The following ULK4 variants were observed in gnomAD, a reference collection of about 807,000 sequenced individuals.
ULK4 encodes the protein unc-51 like kinase 4.
Under a neutral mutation model 160.6 loss-of-function variants are expected in ULK4, and 133 were observed. The observed-to-expected ratio is 0.83, with a 90% CI of 0.72 to 0.96. ULK4 has a LOEUF of 0.96. Ranked by LOEUF, ULK4 falls within the 40% of genes least tolerant of loss-of-function variation. The pLI is 0.00. For synonymous variants in ULK4, 534 were observed against 539.8 expected, an observed-to-expected ratio of 0.99 and a Z score of 0.15; for missense variants, 1,580 against 1,499.5, an observed-to-expected ratio of 1.05 and a Z score of -0.89.
At chr3:41,789,622 AT>A in intron 21 of ULK4, 38 bp downstream of exon 21, 2 of 1,492,174 alleles carry the variant, frequency 1.3e-6, no homozygotes, top group Middle Eastern at 1.8e-4. Flanking sequence ...GAAGAAAACA[AT>A]TTTTAATGTA....
chr3:41,679,346 G>A (rs74453501), intron 29 of ULK4, among the ~76,000 whole-genome samples: 3,499 of 152,190 alleles, frequency 0.023, 121 homozygotes, highest in African/African-American at 0.074. Flanking sequence ...TATTATCCCC[G>A]TTCTACAGAT....
In ULK4 at chr3:41,331,020, C is replaced by T. The variant is rs553444412; in HGVS notation, c.3678+67059G>A. ...TACACACCTCCTGAAAACACCAAAGCAGCTTCAAGGCCACTGCTCTTGGGC... is the reference window on the plus strand; with the variant it reads ...TACACACCTCCTGAAAACACCAAAGTAGCTTCAAGGCCACTGCTCTTGGGC... On this transcript the variant is annotated intron_variant, in intron 35 of 36. Transcript: ENST00000301831. Among the ~76,000 whole-genome samples, 9 of 152,330 alleles carry T rather than the reference C, an allele frequency of 5.9e-5. No individual in the cohort carries two copies. The South Asian group carries it at 1.9e-3, about 32-fold the overall frequency.
At chr3:41,547,275 C>T (rs957866588) in intron 32 of ULK4, among the ~76,000 whole-genome samples, 2 of 152,190 alleles carry the variant, frequency 1.3e-5, no homozygotes, top group African/African-American at 2.4e-5. Context: ...TAAAGGCACA[C>T]ATGTCGTCCA....
At chr3:41,904,638 G>C (rs983269331) in intron 12 of ULK4, among the ~76,000 whole-genome samples, 17 of 152,008 alleles carry the variant, frequency 1.1e-4, no homozygotes, top group African/African-American at 4.1e-4. Context: ...CAAAAAATTA[G>C]CACAGTGAGA....
intron 27 of ULK4, among the ~76,000 whole-genome samples, chr3:41,689,852 A>T (rs2125804113): frequency 6.6e-6 from 1 of 150,524 alleles, no homozygotes; most frequent in Middle Eastern, 3.4e-3. Flanking sequence ...GGGACTGTAA[A>T]CTAGTTCAAC....
At chr3:41,840,989 C>T (rs572109563) in intron 17 of ULK4, among the ~76,000 whole-genome samples, 1 of 146,818 alleles carries the variant, frequency 6.8e-6, no homozygotes, top group African/African-American at 2.5e-5. Context: ...CTGCTACCAC[C>T]CCGTCTGGGA....
chr3:41,378,878 A>C (rs938223080), intron 35 of ULK4, among the ~76,000 whole-genome samples: 32 of 152,268 alleles, frequency 2.1e-4, no homozygotes, highest in African/African-American at 7.5e-4. Flanking sequence ...TGCAGCCATA[A>C]AAAAGAATGA....
intron 14 of ULK4, among the ~76,000 whole-genome samples, chr3:41,898,207 C>T (rs117446021): frequency 6.6e-6 from 1 of 152,164 alleles, no homozygotes; most frequent in African/African-American, 2.4e-5. Flanking sequence ...AACCTCCCCA[C>T]CCACAATAGG....
intron 21 of ULK4, among the ~76,000 whole-genome samples, chr3:41,769,564 G>A (rs988493452): frequency 6.6e-6 from 1 of 152,136 alleles, no homozygotes; most frequent in East Asian, 1.9e-4. Flanking sequence ...CCAAATCACA[G>A]CACAACAAGG....
At chr3:41,608,364 AAACTAGT>A (rs1320888937) in intron 31 of ULK4, among the ~76,000 whole-genome samples, 2 of 152,080 alleles carry the variant, frequency 1.3e-5, no homozygotes, top group Non-Finnish European at 2.9e-5. Flanking sequence ...TATTTAATCA[AAACTAGT>A]AACTCTTTGC....
intron 27 of ULK4, among the ~76,000 whole-genome samples, chr3:41,684,989 C>T (rs2036051541): frequency 6.6e-6 from 1 of 152,234 alleles, no homozygotes; most frequent in African/African-American, 2.4e-5. Flanking sequence ...CCAATGACAA[C>T]TGCCTCATGC....
intron 34 of ULK4, among the ~76,000 whole-genome samples, chr3:41,449,393 C>T (rs546334085): frequency 4.6e-5 from 7 of 152,162 alleles, no homozygotes; most frequent in East Asian, 1.9e-4. Context: ...GTACTTATGG[C>T]GTATCCAGTG....
intron 32 of ULK4, among the ~76,000 whole-genome samples, chr3:41,500,110 G>C (rs915711397): frequency 5.3e-5 from 8 of 151,374 alleles, no homozygotes; most frequent in Admixed American, 4.6e-4. Flanking sequence ...CATTTTATCA[G>C]TCATTTCAAA....
At chr3:41,589,563 T>C (rs933458623) in intron 31 of ULK4, among the ~76,000 whole-genome samples, 4 of 151,892 alleles carry the variant, frequency 2.6e-5, no homozygotes, top group African/African-American at 7.3e-5. Flanking sequence ...TCATGTTGAA[T>C]ATATAGTGCC....
intron 27 of ULK4, among the ~76,000 whole-genome samples, chr3:41,692,115 C>T (rs2125808201): frequency 1.3e-5 from 2 of 151,518 alleles, no homozygotes; most frequent in South Asian, 4.2e-4. Flanking sequence ...CCGCCCCCGG[C>T]TAATTTTTTG....
intron 35 of ULK4, among the ~76,000 whole-genome samples, chr3:41,374,626 C>T (rs768614345): frequency 1.7e-4 from 26 of 152,048 alleles, no homozygotes; most frequent in South Asian, 4.2e-4. Flanking sequence ...TAGGTATTGA[C>T]GGAACATATC....
intron 35 of ULK4, among the ~76,000 whole-genome samples, chr3:41,281,255 A>C (rs979573073): frequency 7.2e-5 from 11 of 152,222 alleles, no homozygotes; most frequent in South Asian, 4.1e-4. Flanking sequence ...CCTTCTGAAA[A>C]TATTCCAATC....
chr3:41,821,187 TG>T (rs1251101373), intron 18 of ULK4, among the ~76,000 whole-genome samples: 3 of 152,214 alleles, frequency 2.0e-5, no homozygotes, highest in Non-Finnish European at 2.9e-5. Flanking sequence ...CCTTTACTCT[TG>T]TTTGGGAAAC....
chr3:41,910,165 G>T (rs1446288527), intron 11 of ULK4, among the ~76,000 whole-genome samples: 1 of 152,054 alleles, frequency 6.6e-6, no homozygotes, highest in East Asian at 1.9e-4. Flanking sequence ...CAAAGTGCTG[G>T]GATTACAGGC....
Sources: allele counts gnomAD v4.1 joint callset (sites outside exome capture counted in the v4.1 genomes callset), GRCh38; gene constraint gnomAD v4.1.1; transcripts MANE v1.5; gene names NCBI Gene and HGNC (gene_info 2026-07-23, HGNC 2026-07-21).